The following CTNNA3 variants were observed in gnomAD, a reference collection of about 807,000 sequenced individuals.
The protein encoded by CTNNA3 is catenin alpha 3, also known as catenin alpha-3.
Under a neutral mutation model 95.7 loss-of-function variants are expected in CTNNA3, and 76 were observed. The observed-to-expected ratio is 0.79, with a 90% CI of 0.66 to 0.96. The LOEUF is 0.96. Ranked by LOEUF, CTNNA3 falls within the 40% of genes least tolerant of loss-of-function variation. The pLI is 0.00. For synonymous variants in CTNNA3, 431 were observed against 374.4 expected, an observed-to-expected ratio of 1.15 and a Z score of -1.74; for missense variants, 1,191 against 1,089.8, an observed-to-expected ratio of 1.09 and a Z score of -1.31.
intron 7 of CTNNA3, among the ~76,000 whole-genome samples, chr10:66,810,522 T>C (rs114557625): frequency 7.2e-5 from 11 of 152,294 alleles, no homozygotes; most frequent in African/African-American, 2.6e-4. Context: ...TTATTTTAGG[T>C]TCTCAATATC....
At chr10:67,035,085 A>G (rs570099889) in intron 7 of CTNNA3, among the ~76,000 whole-genome samples, 3 of 152,192 alleles carry the variant, frequency 2.0e-5, no homozygotes, top group Non-Finnish European at 2.9e-5. Flanking sequence ...GCATAGCCCA[A>G]TCTAATATTC....
At chr10:67,298,766 C>T (rs942515723) in intron 5 of CTNNA3, among the ~76,000 whole-genome samples, 7 of 152,144 alleles carry the variant, frequency 4.6e-5, no homozygotes, top group African/African-American at 1.7e-4. Context: ...TAGTTAGTTC[C>T]CATAAATGTT....
intron 7 of CTNNA3, among the ~76,000 whole-genome samples, chr10:67,047,187 A>C (rs565846978): frequency 1.7e-4 from 26 of 152,300 alleles, no homozygotes; most frequent in African/African-American, 5.8e-4. Context: ...CTTCCTGCTG[A>C]AATTGTTTTA....
chr10:65,936,636 C>T (rs1377050252), intron 17 of CTNNA3, among the ~76,000 whole-genome samples: 1 of 151,960 alleles, frequency 6.6e-6, no homozygotes, highest in Non-Finnish European at 1.5e-5. Context: ...CAAATGCAAG[C>T]CAAACTTTCT....
In CTNNA3 at chr10:67,702,158, C is replaced by A. The variant is rs1589575995; in HGVS notation, c.-1-54644G>T. Among the ~76,000 whole-genome samples, 3 of 152,248 alleles carry A rather than the reference C, an allele frequency of 2.0e-5. No homozygotes were observed. In the East Asian group the frequency reaches 5.8e-4, roughly 29 times the overall value. On this transcript the variant is annotated intron_variant, in intron 1 of 17. Coordinates refer to the CTNNA3 transcript ENST00000684154. ...TGAGTGACCTACAAAGAGACTTAGA[C>A]TCCCATACAATAATAATGGGAGACT...
chr10:66,254,980 A>G (rs2090704771), intron 13 of CTNNA3, among the ~76,000 whole-genome samples: 1 of 152,150 alleles, frequency 6.6e-6, no homozygotes, highest in Non-Finnish European at 1.5e-5. Flanking sequence ...AAGCAAATTT[A>G]CTATTGCCCC....
intron 7 of CTNNA3, among the ~76,000 whole-genome samples, chr10:67,177,631 T>G (rs978233580): frequency 1.3e-5 from 2 of 152,190 alleles, no homozygotes; most frequent in African/African-American, 4.8e-5. Context: ...CCCAAGTCTT[T>G]GAGCAAACGG....
chr10:66,693,666 C>G (rs1847647277), intron 9 of CTNNA3, among the ~76,000 whole-genome samples: 1 of 152,016 alleles, frequency 6.6e-6, no homozygotes, highest in Non-Finnish European at 1.5e-5. Flanking sequence ...ACATTCTTTT[C>G]AGCACCACAC....
At chr10:67,656,252 G>A (rs575620358) in intron 1 of CTNNA3, among the ~76,000 whole-genome samples, 4 of 152,300 alleles carry the variant, frequency 2.6e-5, no homozygotes, top group African/African-American at 9.6e-5. Context: ...GCCTGATATC[G>A]TAAGTGATGA....
At chr10:67,025,780 T>C (rs1853330677) in intron 7 of CTNNA3, among the ~76,000 whole-genome samples, 1 of 152,064 alleles carries the variant, frequency 6.6e-6, no homozygotes, top group Non-Finnish European at 1.5e-5. Context: ...ACTCAAATAC[T>C]GATGATCGCT....
chr10:67,096,193 AT>A (rs1184648973), intron 7 of CTNNA3, among the ~76,000 whole-genome samples: 1 of 151,780 alleles, frequency 6.6e-6, no homozygotes, highest in African/African-American at 2.4e-5. Context: ...AAAAGAAGTG[AT>A]TAGTTTTATT....
At chr10:66,444,530 A>G (rs1234485015) in intron 11 of CTNNA3, among the ~76,000 whole-genome samples, 2 of 151,858 alleles carry the variant, frequency 1.3e-5, no homozygotes, top group African/African-American at 4.9e-5. Context: ...TCACATTCTT[A>G]AAGAAAAGAA....
At chr10:67,477,742 A>T (rs1245442137) in intron 5 of CTNNA3, among the ~76,000 whole-genome samples, 1 of 152,248 alleles carries the variant, frequency 6.6e-6, no homozygotes, top group Non-Finnish European at 1.5e-5. Flanking sequence ...ACTACAGATG[A>T]GAAGGAACCA....
rs545319636 is a variant in CTNNA3 at position 66,407,000 on chromosome 10, A to G, written c.1532-27648T>C. Among the ~76,000 whole-genome samples, 3 of 152,208 alleles carry G rather than the reference A, an allele frequency of 2.0e-5. No individual in the cohort carries two copies. The East Asian group carries it at 5.8e-4, about 29-fold the overall frequency. ...TTATTTACATAGAACTAATTAATTT[A>G]CCCTTTTATTAAACACTATGAATTT... On this transcript the variant is annotated intron_variant, in intron 11 of 17. Coordinates refer to ENST00000433211, the MANE Select transcript of CTNNA3 (RefSeq NM_013266.4).
intron 12 of CTNNA3, among the ~76,000 whole-genome samples, chr10:66,368,674 T>C (rs1248984753): frequency 1.3e-5 from 2 of 152,092 alleles, no homozygotes; most frequent in African/African-American, 4.8e-5. Context: ...GGAAAAACAC[T>C]AATACCGATT....
intron 11 of CTNNA3, among the ~76,000 whole-genome samples, chr10:66,500,473 A>G (rs1752831736): frequency 6.6e-6 from 1 of 152,176 alleles, no homozygotes; most frequent in African/African-American, 2.4e-5. Flanking sequence ...ACAGAATTTT[A>G]AATAAGTAGA....
At chr10:67,217,261 TG>T (rs758006015) in intron 6 of CTNNA3, among the ~76,000 whole-genome samples, 82 of 152,268 alleles carry the variant, frequency 5.4e-4, no homozygotes, top group Non-Finnish European at 8.8e-4. Context: ...TAATGAAAAG[TG>T]CAACCATTTA....
chr10:67,056,176 C>G (rs1322385118), intron 7 of CTNNA3, among the ~76,000 whole-genome samples: 2 of 152,110 alleles, frequency 1.3e-5, no homozygotes, highest in Non-Finnish European at 2.9e-5. Flanking sequence ...ATTTATATCA[C>G]ATAAGAGTTG....
At chr10:66,961,143 A>G (rs1029822029) in intron 7 of CTNNA3, among the ~76,000 whole-genome samples, 11 of 152,220 alleles carry the variant, frequency 7.2e-5, no homozygotes, top group African/African-American at 2.7e-4. Context: ...ATCATTTCAA[A>G]AAAAGTTACG....
Sources: allele counts gnomAD v4.1 joint callset (sites outside exome capture counted in the v4.1 genomes callset), GRCh38; gene constraint gnomAD v4.1.1; transcripts MANE v1.5; gene names NCBI Gene and HGNC (gene_info 2026-07-23, HGNC 2026-07-21).